The following KIF6 variants were observed in gnomAD, a reference collection of about 807,000 sequenced individuals.
KIF6 encodes the protein kinesin-like protein KIF6.
KIF6 carries 106 observed loss-of-function variants against 112.7 expected under a neutral mutation model. The observed-to-expected ratio is 0.94, with a 90% CI of 0.80 to 1.11. KIF6 has a LOEUF of 1.11. Ranked by LOEUF, KIF6 falls within the 50% of genes least tolerant of loss-of-function variation. The pLI is 0.00. For missense variants in KIF6, 929 were observed against 964.0 expected, an observed-to-expected ratio of 0.96 and a Z score of 0.48; for synonymous variants, 339 against 339.9, an observed-to-expected ratio of 1.00 and a Z score of 0.03.
chr6:39,582,888 ATGAC>A (rs2150651948), intron 9 of KIF6, among the ~76,000 whole-genome samples: 1 of 152,352 alleles, frequency 6.6e-6, no homozygotes, highest in African/African-American at 2.4e-5. Flanking sequence ...TATACATAAA[ATGAC>A]TGACAGTAAT....
intron 15 of KIF6, among the ~76,000 whole-genome samples, chr6:39,386,615 C>T (rs367767301): frequency 1.3e-5 from 2 of 151,862 alleles, no homozygotes; most frequent in Admixed American, 6.6e-5. Flanking sequence ...GCAGTGAGCC[C>T]CTTCCTGAAA....
At chr6:39,647,451 C>T (rs768426189) in intron 3 of KIF6, among the ~76,000 whole-genome samples, 13 of 152,128 alleles carry the variant, frequency 8.5e-5, no homozygotes, top group Non-Finnish European at 1.6e-4. Context: ...CTTGGTTCCT[C>T]CAACCACTGT....
At chr6:39,534,669 C>T (rs149960984) in intron 13 of KIF6, among the ~76,000 whole-genome samples, 1,888 of 152,274 alleles carry the variant, frequency 0.012, 49 homozygotes, top group African/African-American at 0.043. Context: ...CTTCCCCAAT[C>T]GAGCAAGGCA....
Position 39,584,031 on chromosome 6 carries a change from A to T in KIF6, c.1077+867T>A, listed in dbSNP as rs183157574. 3.3e-5 allele frequency among the ~76,000 whole-genome samples: 5 copies of T among 152,266 alleles called. No individual in the cohort carries two copies. The East Asian group carries it at 7.7e-4, about 24-fold the overall frequency. ...ACAGATCAAGCCAATAATGAATTTTAAAAAACTCTAGAACAAATAACAGAA... is the reference window on the plus strand; with the variant it reads ...ACAGATCAAGCCAATAATGAATTTTTAAAAACTCTAGAACAAATAACAGAA... On this transcript the variant is annotated intron_variant, in intron 9 of 22. Coordinates refer to ENST00000287152, the MANE Select transcript of KIF6 (RefSeq NM_145027.6).
intron 3 of KIF6, among the ~76,000 whole-genome samples, chr6:39,698,676 A>G (rs1788693450): frequency 6.6e-6 from 1 of 152,250 alleles, no homozygotes; most frequent in Non-Finnish European, 1.5e-5. Flanking sequence ...GGGTTTCCTA[A>G]GAAATAAATA....
chr6:39,696,963 AG>A (rs1451846670), intron 3 of KIF6, among the ~76,000 whole-genome samples: 1 of 152,168 alleles, frequency 6.6e-6, no homozygotes, highest in East Asian at 1.9e-4. Context: ...TAGATGCCAC[AG>A]GTACAGCCAA....
chr6:39,526,708 C>A (rs758679641), intron 13 of KIF6, among the ~76,000 whole-genome samples: 4 of 152,198 alleles, frequency 2.6e-5, no homozygotes, highest in African/African-American at 4.8e-5. Context: ...TGATGTAGCA[C>A]CTAGAATAAA....
chr6:39,506,509 T>A (rs913489927), intron 13 of KIF6, among the ~76,000 whole-genome samples: 1 of 152,102 alleles, frequency 6.6e-6, no homozygotes, highest in Non-Finnish European at 1.5e-5. Context: ...CCCTGAACTT[T>A]AAATAAAAGT....
At chr6:39,646,180 T>TTA (rs1554140475) in intron 3 of KIF6, among the ~76,000 whole-genome samples, 1 of 147,184 alleles carries the variant, frequency 6.8e-6, no homozygotes, top group African/African-American at 2.5e-5. Context: ...CTCAGAGAGG[T>TTA]AAAAAAAAAG....
At chr6:39,629,944 C>T (rs1171173583) in intron 5 of KIF6, among the ~76,000 whole-genome samples, 2 of 152,124 alleles carry the variant, frequency 1.3e-5, no homozygotes, top group East Asian at 3.9e-4. Context: ...AAAAAGACTA[C>T]CCCCTTTCCA....
At chr6:39,476,771 C>T (rs1463860768) in intron 13 of KIF6, among the ~76,000 whole-genome samples, 1 of 152,194 alleles carries the variant, frequency 6.6e-6, no homozygotes, top group African/African-American at 2.4e-5. Context: ...GGATTCTCCA[C>T]TTTTCAGTCT....
At chr6:39,596,720 C>G (rs2150686886) in intron 6 of KIF6, among the ~76,000 whole-genome samples, 1 of 151,910 alleles carries the variant, frequency 6.6e-6, no homozygotes, top group South Asian at 2.1e-4. Context: ...AAGTGGAGGC[C>G]CTAGACAATA....
At chr6:39,498,568 A>G (rs967572378) in intron 13 of KIF6, among the ~76,000 whole-genome samples, 1 of 152,182 alleles carries the variant, frequency 6.6e-6, no homozygotes, top group Non-Finnish European at 1.5e-5. Flanking sequence ...TCAGTGTTGC[A>G]TCTACTCCAT....
rs372602777 is a variant in KIF6 at position 39,623,987 on chromosome 6, C to T, written c.510-10669G>A. Among the ~76,000 whole-genome samples, 216 of 152,214 alleles carry T rather than the reference C, an allele frequency of 1.4e-3. 1 individual carries two copies. The highest frequency in any genetic ancestry group is 2.6e-3 in the Non-Finnish European group (180 of 68,014). The stretch of plus-strand genomic sequence containing the variant: ...CTTGGCTCAGTCAGAACTTGCCATA[C>T]GTCAGTAAAATTAGGAAACCATTGA... On this transcript the variant is annotated intron_variant, in intron 5 of 22. Transcript: ENST00000287152.
At chr6:39,556,919 GT>G (rs1779735003) in intron 10 of KIF6, among the ~76,000 whole-genome samples, 1 of 152,024 alleles carries the variant, frequency 6.6e-6, no homozygotes, top group Admixed American at 6.5e-5. Context: ...TTTTTCTATG[GT>G]TCTGTCTTGT....
At chr6:39,451,062 A>T (rs1211828227) in intron 13 of KIF6, among the ~76,000 whole-genome samples, 3 of 152,110 alleles carry the variant, frequency 2.0e-5, no homozygotes, top group Non-Finnish European at 4.4e-5. Context: ...ACATTGCTTT[A>T]TATATATACA....
At chr6:39,479,156 T>C (rs1470181077) in intron 13 of KIF6, among the ~76,000 whole-genome samples, 1 of 152,200 alleles carries the variant, frequency 6.6e-6, no homozygotes, top group East Asian at 1.9e-4. Flanking sequence ...TTTGGGTTGT[T>C]GGTCACGAAG....
intron 15 of KIF6, among the ~76,000 whole-genome samples, chr6:39,397,758 G>A (rs1054944211): frequency 1.6e-5 from 2 of 126,644 alleles, no homozygotes; most frequent in Admixed American, 7.9e-5. Context: ...AGTACACATG[G>A]CCCGAGAACT....
At chr6:39,634,086 T>C (rs1013670186) in intron 5 of KIF6, among the ~76,000 whole-genome samples, 1 of 152,160 alleles carries the variant, frequency 6.6e-6, no homozygotes, top group African/African-American at 2.4e-5. Context: ...AAACAACTGA[T>C]TTGTAATCTT....
Sources: allele counts gnomAD v4.1 joint callset (sites outside exome capture counted in the v4.1 genomes callset), GRCh38; gene constraint gnomAD v4.1.1; transcripts MANE v1.5; gene names NCBI Gene and HGNC (gene_info 2026-07-23, HGNC 2026-07-21).